The following ETS1 variants were observed in gnomAD, a reference collection of about 807,000 sequenced individuals.
ETS1 encodes the protein protein C-ets-1.
Under a neutral mutation model 58.6 loss-of-function variants are expected in ETS1, and 15 were observed. The ratio of observed to expected loss-of-function variants is 0.26; its 90% CI spans 0.17 to 0.39. The LOEUF (loss-of-function observed/expected upper bound fraction) is 0.39, where lower values mean the gene tolerates loss of function less well. Ranked by LOEUF, ETS1 falls within the 10% of genes least tolerant of loss-of-function variation. The pLI, the probability that ETS1 is intolerant of heterozygous loss-of-function variation, is 1.00. For synonymous variants in ETS1, 214 were observed against 218.2 expected, an observed-to-expected ratio of 0.98 and a Z score of 0.17; for missense variants, 417 against 610.5, an observed-to-expected ratio of 0.68 and a Z score of 3.34.
intron 8 of ETS1, 149 bp downstream of exon 8, chr11:128,480,042 G>C: frequency 9.7e-7 from 1 of 1,034,400 alleles, no homozygotes. Flanking sequence ...GCTGGAGAGA[G>C]ACTAAAGAAT....
chr11:128,575,785 G>T (rs1864733885), intron 1 of ETS1, among the ~76,000 whole-genome samples: 1 of 152,208 alleles, frequency 6.6e-6, no homozygotes, highest in Non-Finnish European at 1.5e-5. Flanking sequence ...TAACCACATG[G>T]CCCTATAAAT....
At chr11:128,471,785 T>G (rs1028061056) in intron 8 of ETS1, among the ~76,000 whole-genome samples, 1 of 152,210 alleles carries the variant, frequency 6.6e-6, no homozygotes, top group Admixed American at 6.5e-5. Flanking sequence ...AAGAAAGATA[T>G]GTTCACTGAT....
chr11:128,534,767 T>C (rs1863948605), intron 3 of ETS1, among the ~76,000 whole-genome samples: 1 of 152,250 alleles, frequency 6.6e-6, no homozygotes, highest in Admixed American at 6.5e-5. Flanking sequence ...TGTTCTTTTT[T>C]ATAGCTGCAT....
chr11:128,486,419 G>A (rs993204036), intron 5 of ETS1, among the ~76,000 whole-genome samples: 1 of 152,214 alleles, frequency 6.6e-6, no homozygotes, highest in Admixed American at 6.5e-5. Context: ...TAAGGGCTCA[G>A]AAGGCATTCA....
At chr11:128,572,162 A>G (rs1306809477) in intron 2 of ETS1, 2 of 152,142 alleles carry the variant, frequency 1.3e-5, no homozygotes, top group Admixed American at 6.6e-5. Context: ...AATCCCAGCT[A>G]CTTGGGAGGC....
At chr11:128,519,675 T>G (rs1042328739) in intron 3 of ETS1, among the ~76,000 whole-genome samples, 1 of 152,232 alleles carries the variant, frequency 6.6e-6, no homozygotes, top group African/African-American at 2.4e-5. Context: ...GTTTCTTTGC[T>G]GAGCTTTTGG....
intron 2 of ETS1, among the ~76,000 whole-genome samples, 195 bp downstream of exon 2, chr11:128,572,867 T>A (rs922373619): frequency 1.3e-5 from 2 of 152,172 alleles, no homozygotes; most frequent in Non-Finnish European, 2.9e-5. Flanking sequence ...CCATCAGTAT[T>A]TGGTTTTCTT....
chr11:128,462,641 A>AT (rs1861933394), intron 9 of ETS1, 65 bp from the exon 10 acceptor site: 1 of 1,205,460 alleles, frequency 8.3e-7, no homozygotes, highest in Admixed American at 1.7e-5. Flanking sequence ...CCAAATATAT[A>AT]TGTTTCTATG....
At chr11:128,538,858 C>A (rs1238938714) in intron 3 of ETS1, among the ~76,000 whole-genome samples, 1 of 152,004 alleles carries the variant, frequency 6.6e-6, no homozygotes, top group African/African-American at 2.4e-5. Flanking sequence ...ATTGAGGAAC[C>A]ACTTAATACA....
intron 2 of ETS1, among the ~76,000 whole-genome samples, chr11:128,564,966 T>C (rs1415012224): frequency 6.6e-6 from 1 of 151,530 alleles, no homozygotes; most frequent in Non-Finnish European, 1.5e-5. Flanking sequence ...TAATTTTTCA[T>C]AAACAAGGCA....
chr11:128,510,791 C>A (rs878944772), intron 3 of ETS1, among the ~76,000 whole-genome samples: 1 of 152,188 alleles, frequency 6.6e-6, no homozygotes, highest in Non-Finnish European at 1.5e-5. Context: ...TTAAGGTTTA[C>A]ATCCACTCCC....
intron 3 of ETS1, among the ~76,000 whole-genome samples, chr11:128,490,890 T>A (rs1862780392): frequency 6.6e-6 from 1 of 151,978 alleles, no homozygotes; most frequent in Non-Finnish European, 1.5e-5. Context: ...AGCTAGTTTT[T>A]TTTATTTTTA....
At chr11:128,472,932 T>A (rs1254823249) in intron 8 of ETS1, among the ~76,000 whole-genome samples, 1 of 152,152 alleles carries the variant, frequency 6.6e-6, no homozygotes, top group African/African-American at 2.4e-5. Flanking sequence ...ACACTCAAAC[T>A]AACACAGTAT....
chr11:128,465,195 T>A (rs1339857578), intron 8 of ETS1, among the ~76,000 whole-genome samples: 2 of 152,220 alleles, frequency 1.3e-5, no homozygotes, highest in East Asian at 3.8e-4. Flanking sequence ...TATGAAAACA[T>A]GAAATAGCTC....
chr11:128,581,124 T>G (rs1591679546), intron 1 of ETS1, among the ~76,000 whole-genome samples: 1 of 152,342 alleles, frequency 6.6e-6, no homozygotes, highest in East Asian at 1.9e-4. Flanking sequence ...ATGCATTTCC[T>G]TCTCAGTGGA....
At chr11:128,562,885 C>T (rs527409021) in intron 2 of ETS1, among the ~76,000 whole-genome samples, 2 of 152,146 alleles carry the variant, frequency 1.3e-5, no homozygotes, top group African/African-American at 2.4e-5. Context: ...TCACCTGTCC[C>T]CTCCAGCCAG....
At chr11:128,507,088 G>C (rs1319185809) in intron 3 of ETS1, among the ~76,000 whole-genome samples, 1 of 152,160 alleles carries the variant, frequency 6.6e-6, no homozygotes, top group Non-Finnish European at 1.5e-5. Context: ...CAGGAACTGA[G>C]GAAGGTGCAG....
chr11:128,494,581 C>T (rs886782042), intron 3 of ETS1, among the ~76,000 whole-genome samples: 1 of 152,222 alleles, frequency 6.6e-6, no homozygotes, highest in Non-Finnish European at 1.5e-5. Context: ...GGTTTCCATT[C>T]ACTTACATGT....
In ETS1 at chr11:128,485,094, T is replaced by C. The variant is rs150832556; in HGVS notation, c.614-23A>G. 2.3e-5 allele frequency: 37 copies of C among 1,601,056 alleles called. 1 individual carries two copies. In the East Asian group the frequency reaches 7.0e-4, roughly 30 times the overall value. On this transcript the variant is annotated intron_variant, in intron 6 of 9. Coordinates refer to ENST00000392668, the MANE Select transcript of ETS1 (RefSeq NM_001143820.2). ...AGCCTGGAAACAAAGGGTTTGCAAG[T>C]AAAGAGAGGAGAGATTTGTACCTAA... is the stretch of plus-strand genomic sequence containing the variant.
Sources: gnomAD v4.1 joint callset for allele counts (sites outside exome capture counted in the v4.1 genomes callset) on GRCh38, gnomAD v4.1.1 for gene constraint, MANE v1.5 for transcripts, NCBI Gene and HGNC (gene_info 2026-07-23, HGNC 2026-07-21) for gene names.